NRG1: variants seen among roughly 807,000 people sequenced by gnomAD.
NRG1 encodes pro-neuregulin-1, membrane-bound isoform.
In NRG1, 18 loss-of-function variants were observed where a neutral mutation model predicts 63.8. The observed-to-expected ratio is 0.28, with a 90% CI of 0.19 to 0.42. The LOEUF (loss-of-function observed/expected upper bound fraction) is 0.42, where lower values mean the gene tolerates loss of function less well. Ranked by LOEUF, NRG1 falls within the 10% of genes least tolerant of loss-of-function variation. The pLI is 1.00. For synonymous variants in NRG1, 302 were observed against 301.3 expected (o/e 1.00, Z -0.02); for missense variants, 762 against 814.7 (o/e 0.94, Z 0.79).
chr8:32,276,370 C>T (rs1261156316), intron 1 of NRG1, among the ~76,000 whole-genome samples: 3 of 152,158 alleles, frequency 2.0e-5, no homozygotes, highest in Non-Finnish European at 2.9e-5. Context: ...CTGCAAATGG[C>T]AGAATTTCAT....
chr8:32,508,460 T>G (rs556469964), intron 1 of NRG1, among the ~76,000 whole-genome samples: 4 of 151,032 alleles, frequency 2.6e-5, no homozygotes, highest in Admixed American at 6.6e-5. Flanking sequence ...CCAGCTAGTT[T>G]TTTTTTTTTT....
chr8:32,026,479 C>G (rs1044492706), intron 1 of NRG1: 2 of 152,106 alleles, frequency 1.3e-5, no homozygotes, highest in Non-Finnish European at 1.5e-5. Flanking sequence ...TTTCATCATG[C>G]CTTGGGCGCA....
chr8:31,961,974 A>G lies in NRG1; in HGVS notation c.37+322543A>G, dbSNP rs188031285. On this transcript the variant is annotated intron_variant, in intron 1 of 10. Transcript: ENST00000519301. ...ATTTTATCCATATCTGTTTCCTTCT[A>G]TTGGGACTTTATGGAGGCATTACTC... 4.1e-3 allele frequency among the ~76,000 whole-genome samples: 508 copies of G among 123,914 alleles called. 9 individuals are homozygous for G. Among genetic ancestry groups the G allele is most frequent in the Admixed American group, 0.029 (321 of 11,138 alleles). 81.3% of individuals were successfully genotyped at this position (123,914 alleles called of 152,430 possible). A position where few individuals can be genotyped will look rare whatever the true frequency, so the allele number is the denominator to read the frequency against.
chr8:32,124,906 G>A (rs969593691), intron 1 of NRG1, among the ~76,000 whole-genome samples: 1 of 151,792 alleles, frequency 6.6e-6, no homozygotes, highest in African/African-American at 2.4e-5. Flanking sequence ...ATACACATGG[G>A]AAAATAGACA....
chr8:31,681,440 A>C (rs1808331453), intron 1 of NRG1, among the ~76,000 whole-genome samples: 1 of 152,024 alleles, frequency 6.6e-6, no homozygotes, highest in Non-Finnish European at 1.5e-5. Flanking sequence ...CTCATTAGCA[A>C]TCAAAGAAGC....
intron 1 of NRG1, among the ~76,000 whole-genome samples, chr8:32,134,821 A>T (rs529713630): frequency 6.6e-5 from 10 of 152,194 alleles, no homozygotes; most frequent in African/African-American, 2.4e-4. Context: ...GTTCCAGGAT[A>T]CAGTGAGCTA....
chr8:32,222,034 T>TACACACACAC (rs202206585), intron 1 of NRG1, among the ~76,000 whole-genome samples: 35 of 148,698 alleles, frequency 2.4e-4, no homozygotes, highest in African/African-American at 8.1e-4. Flanking sequence ...GAAACATACA[T>TACACACACAC]ACACACACAC....
At chr8:32,254,694 C>T (rs2129471010) in intron 1 of NRG1, among the ~76,000 whole-genome samples, 1 of 152,246 alleles carries the variant, frequency 6.6e-6, no homozygotes, top group Non-Finnish European at 1.5e-5. Context: ...ATTAAGTCTG[C>T]TTAGTCCAGA....
At chr8:31,876,638 G>A (rs1291826715) in intron 1 of NRG1, among the ~76,000 whole-genome samples, 1 of 152,116 alleles carries the variant, frequency 6.6e-6, no homozygotes, top group South Asian at 2.1e-4. Context: ...AAATATTCAA[G>A]CAGTAGAAAT....
At chr8:31,834,366 C>G (rs77618537) in intron 1 of NRG1, among the ~76,000 whole-genome samples, 1 of 151,178 alleles carries the variant, frequency 6.6e-6, no homozygotes, top group Non-Finnish European at 1.5e-5. Context: ...AAAGATTAGA[C>G]GAAAGCATAA....
At chr8:32,573,187 CT>C (rs1469105829) in intron 1 of NRG1, among the ~76,000 whole-genome samples, 1 of 152,168 alleles carries the variant, frequency 6.6e-6, no homozygotes, top group Admixed American at 6.5e-5. Flanking sequence ...TCCCATTCTG[CT>C]GTCTGTCTTT....
intron 1 of NRG1, among the ~76,000 whole-genome samples, chr8:31,973,095 A>G (rs910940316): frequency 1.3e-5 from 2 of 152,110 alleles, no homozygotes; most frequent in African/African-American, 2.4e-5. Context: ...CCCTCACCTC[A>G]TAAACCTACA....
chr8:32,551,511 G>C (rs1001397153), intron 1 of NRG1, among the ~76,000 whole-genome samples: 1 of 152,174 alleles, frequency 6.6e-6, no homozygotes, highest in African/African-American at 2.4e-5. Context: ...AAACACATCT[G>C]TTGGAGGGAA....
chr8:32,133,774 G>C (rs1835156032), intron 1 of NRG1, among the ~76,000 whole-genome samples: 1 of 152,074 alleles, frequency 6.6e-6, no homozygotes, highest in African/African-American at 2.4e-5. Context: ...GGAGGCAGCA[G>C]GCTATTAAAA....
intron 1 of NRG1, among the ~76,000 whole-genome samples, chr8:31,785,577 C>T (rs573385484): frequency 7.9e-5 from 12 of 152,270 alleles, no homozygotes; most frequent in Non-Finnish European, 1.8e-4. Flanking sequence ...TCAGTAACAA[C>T]AGTTATGCAT....
intron 1 of NRG1, among the ~76,000 whole-genome samples, chr8:32,437,163 T>C (rs1224319248): frequency 6.6e-6 from 1 of 152,152 alleles, no homozygotes; most frequent in Non-Finnish European, 1.5e-5. Flanking sequence ...TATTTTGTTT[T>C]TAACCTTGCT....
At chr8:32,320,226 A>G (rs2129476686) in intron 1 of NRG1, among the ~76,000 whole-genome samples, 1 of 152,318 alleles carries the variant, frequency 6.6e-6, no homozygotes, top group East Asian at 1.9e-4. Context: ...TAGGTACTTC[A>G]TGGATATCTG....
chr8:32,722,102 A>G (rs1163592794), intron 5 of NRG1: 1 of 1,320,194 alleles, frequency 7.6e-7, no homozygotes, highest in East Asian at 2.6e-5. Context: ...TCAAACATTT[A>G]AAATGTGCAT....
intron 1 of NRG1, among the ~76,000 whole-genome samples, chr8:32,133,482 T>C (rs574146765): frequency 6.6e-6 from 1 of 152,146 alleles, no homozygotes; most frequent in Admixed American, 6.6e-5. Context: ...ACTCAGGAGC[T>C]GAGATAGCAT....
Sources: gnomAD v4.1 joint callset for allele counts (sites outside exome capture counted in the v4.1 genomes callset) on GRCh38, gnomAD v4.1.1 for gene constraint, MANE v1.5 for transcripts, NCBI Gene and HGNC (gene_info 2026-07-23, HGNC 2026-07-21) for gene names.